Variants in GYS2 observed in about 807,000 individuals in gnomAD.
The protein encoded by GYS2 is glycogen [starch] synthase, liver.
In GYS2, 80 loss-of-function variants were observed where a neutral mutation model predicts 85.6. The observed-to-expected ratio is 0.93, with a 90% confidence interval of 0.78 to 1.13. GYS2 has a LOEUF of 1.13. Among genes scored for constraint, GYS2 ranks in the 50% most tolerant of loss-of-function variants. The probability of loss-of-function intolerance (pLI) is 0.00; values close to 1 mark genes in which losing one functional copy is unlikely to be tolerated. For synonymous variants in GYS2, 328 were observed against 300.7 expected, an observed-to-expected ratio of 1.09 and a Z score of -0.94; for missense variants, 881 against 854.9, an observed-to-expected ratio of 1.03 and a Z score of -0.38.
At chr12:21,549,080 A>G (rs113585359) in intron 11 of GYS2, among the ~76,000 whole-genome samples, 1,687 of 152,282 alleles carry the variant, frequency 0.011, 29 homozygotes, top group African/African-American at 0.037. Flanking sequence ...ACCTGTAGCC[A>G]TTACAATGTG....
chr12:21,565,390 A>AATAT (rs55790137), intron 5 of GYS2, among the ~76,000 whole-genome samples: 4,283 of 72,998 alleles, frequency 0.059, 241 homozygotes, highest in African/African-American at 0.092. Context: ...CCATCCATGA[A>AATAT]ATATATATAT....
At chr12:21,557,649 C>T (rs1944196619) in intron 11 of GYS2, among the ~76,000 whole-genome samples, 2 of 152,144 alleles carry the variant, frequency 1.3e-5, no homozygotes, top group African/African-American at 2.4e-5. Flanking sequence ...CCTGTAATCC[C>T]AGCACTTTGG....
intron 1 of GYS2, among the ~76,000 whole-genome samples, chr12:21,592,595 T>G (rs1159797197): frequency 6.6e-6 from 1 of 152,054 alleles, no homozygotes; most frequent in African/African-American, 2.4e-5. Context: ...ATATAACAAT[T>G]CTAAACATTC....
At chr12:21,600,119 T>C (rs1944739171) in intron 1 of GYS2, among the ~76,000 whole-genome samples, 1 of 152,144 alleles carries the variant, frequency 6.6e-6, no homozygotes, top group Non-Finnish European at 1.5e-5. Context: ...TGGATCTTTT[T>C]GCTTTTGCTT....
intron 1 of GYS2, among the ~76,000 whole-genome samples, chr12:21,592,120 C>T (rs1944645942): frequency 6.9e-6 from 1 of 145,160 alleles, no homozygotes; most frequent in South Asian, 2.2e-4. Flanking sequence ...AGAAAATCAC[C>T]AAACCACAAT....
intron 1 of GYS2, among the ~76,000 whole-genome samples, chr12:21,592,972 A>G (rs1268680066): frequency 1.3e-5 from 2 of 152,088 alleles, no homozygotes; most frequent in Non-Finnish European, 2.9e-5. Flanking sequence ...AATCAATAAC[A>G]AGAAAAACTT....
At chr12:21,591,322 G>A (rs1944636540) in intron 1 of GYS2, among the ~76,000 whole-genome samples, 1 of 152,022 alleles carries the variant, frequency 6.6e-6, no homozygotes, top group Non-Finnish European at 1.5e-5. Flanking sequence ...CAGAAATTCT[G>A]TAACTGAAGA....
intron 13 of GYS2, among the ~76,000 whole-genome samples, chr12:21,541,225 G>A (rs1055476791): frequency 2.6e-5 from 3 of 117,622 alleles, no homozygotes; most frequent in Non-Finnish European, 3.2e-5. Context: ...CCAGGATCAG[G>A]CCACTGCACT....
At chr12:21,578,751 G>C (rs888175004) in intron 2 of GYS2, among the ~76,000 whole-genome samples, 7 of 151,836 alleles carry the variant, frequency 4.6e-5, no homozygotes. Context: ...GATTCTTTCA[G>C]TATTGCTTTG....
intron 14 of GYS2, among the ~76,000 whole-genome samples, chr12:21,540,031 T>C (rs895505397): frequency 2.6e-5 from 4 of 152,208 alleles, no homozygotes; most frequent in African/African-American, 7.2e-5. Flanking sequence ...TACCCATTAC[T>C]CACTACAGTT....
chr12:21,552,941 C>T (rs1289786705), intron 11 of GYS2, among the ~76,000 whole-genome samples: 1 of 152,204 alleles, frequency 6.6e-6, no homozygotes, highest in African/African-American at 2.4e-5. Flanking sequence ...ATTCACATCT[C>T]TCCTAAAAAT....
intron 10 of GYS2, 107 bp from the exon 11 acceptor site, chr12:21,558,420 C>G: frequency 2.7e-6 from 2 of 727,586 alleles, no homozygotes; most frequent in Non-Finnish European, 5.0e-6. Flanking sequence ...CACCTTCAGT[C>G]TTTTGAGATG....
At chr12:21,569,094 G>T (rs1944356941) in intron 4 of GYS2, 85 bp from the exon 5 acceptor site, 2 of 1,397,240 alleles carry the variant, frequency 1.4e-6, no homozygotes, top group Non-Finnish European at 2.0e-6. Context: ...TCACCAAGTG[G>T]CTTACCTCAA....
At chr12:21,560,835 T>C (rs1944244557) in intron 7 of GYS2, among the ~76,000 whole-genome samples, 1 of 152,306 alleles carries the variant, frequency 6.6e-6, no homozygotes, top group South Asian at 2.1e-4. Context: ...TGTGCTTTTC[T>C]GTGGTTAAAA....
downstream of GYS2, among the ~76,000 whole-genome samples, chr12:21,533,697 T>C (rs146577718): frequency 6.6e-6 from 1 of 152,332 alleles, no homozygotes; most frequent in East Asian, 1.9e-4. Context: ...ACATTTATGT[T>C]CTCATCTGCA....
At chr12:21,583,795 C>T (rs956359216) in intron 1 of GYS2, among the ~76,000 whole-genome samples, 3 of 152,194 alleles carry the variant, frequency 2.0e-5, no homozygotes, top group African/African-American at 7.2e-5. Context: ...TCTGATCCAT[C>T]TAGCCATAAA....
At chr12:21,599,125 T>C (rs546915221) in intron 1 of GYS2, among the ~76,000 whole-genome samples, 1 of 152,144 alleles carries the variant, frequency 6.6e-6, no homozygotes, top group Admixed American at 6.6e-5. Context: ...TATATATGTA[T>C]ACACACATAT....
At position 21,568,879 on chromosome 12, in the gene GYS2, A is replaced by G. The variant is rs375739160; in HGVS notation, c.809T>C (p.Leu270Pro). 2 of 1,613,364 alleles carry G rather than the reference A, an allele frequency of 1.2e-6. No individual in the cohort carries two copies. Among genetic ancestry groups the G allele is most frequent in the African/African-American group, 1.3e-5 (1 of 75,060 alleles). The change falls in exon 5 of 16, where the codon CTG becomes CCG. Residue 270 changes from leucine (L) to proline (P), a missense_variant. Physicochemically the swap from Leu to Pro is moderately conservative, Grantham distance 98 (BLOSUM62 -3). Coordinates refer to ENST00000261195, the MANE Select transcript of GYS2 (RefSeq NM_021957.4). Reference sequence around the variant, plus strand: ...ATAATAATTACCAGGCTTTCTCTTCAGCATATGTTCAGCTTCTATTGCTGT... The same window carrying G: ...ATAATAATTACCAGGCTTTCTCTTCGGCATATGTTCAGCTTCTATTGCTGT... ...EITAIEAEHMLKRKPDVVTPN... is the reference protein window; with the variant it reads ...EITAIEAEHMPKRKPDVVTPN...
chr12:21,590,347 G>A (rs1321577417), intron 1 of GYS2, among the ~76,000 whole-genome samples: 2 of 152,270 alleles, frequency 1.3e-5, no homozygotes, highest in Middle Eastern at 3.4e-3. Flanking sequence ...AGTTGTCTGG[G>A]AACCCAGAGA....
Sources: gnomAD v4.1 joint callset for allele counts (sites outside exome capture counted in the v4.1 genomes callset) on GRCh38, gnomAD v4.1.1 for gene constraint, MANE v1.5 for transcripts, NCBI Gene and HGNC (gene_info 2026-07-23, HGNC 2026-07-21) for gene names.